The following SAMTOR variants were observed in gnomAD, a reference collection of about 807,000 sequenced individuals.
SAMTOR encodes the protein UPF0532 protein C7orf60.
chr7:112,871,709 C>T, the SAMTOR span, among the ~76,000 whole-genome samples: 6 of 152,120 alleles, frequency 3.9e-5, no homozygotes, highest in South Asian at 8.3e-4. Context: ...TACAAATGAT[C>T]AATGTTAATA....
At chr7:112,830,849 A>G in the SAMTOR span, among the ~76,000 whole-genome samples, 2 of 152,072 alleles carry the variant, frequency 1.3e-5, no homozygotes, top group African/African-American at 4.8e-5. Flanking sequence ...CAGGCACTGT[A>G]TAAGAGCTAC....
At chr7:112,914,375 C>T in the SAMTOR span, among the ~76,000 whole-genome samples, 7 of 150,324 alleles carry the variant, frequency 4.7e-5, no homozygotes, top group South Asian at 4.2e-4. Flanking sequence ...ATTTCACCAC[C>T]GGGGCAATAA....
At chr7:112,912,723 CTTTTTT>C in the SAMTOR span, among the ~76,000 whole-genome samples, 1 of 151,580 alleles carries the variant, frequency 6.6e-6, no homozygotes, top group Non-Finnish European at 1.5e-5. Flanking sequence ...TGCCACTGTT[CTTTTTT>C]TAACAGTATG....
the SAMTOR span, among the ~76,000 whole-genome samples, chr7:112,880,529 G>A: frequency 6.6e-6 from 1 of 152,078 alleles, no homozygotes; most frequent in Non-Finnish European, 1.5e-5. Context: ...GAAAATCTAA[G>A]GAGGGAAACT....
At chr7:112,851,053 C>T in the SAMTOR span, among the ~76,000 whole-genome samples, 1,623 of 152,036 alleles carry the variant, frequency 0.011, 30 homozygotes, top group African/African-American at 0.037. Flanking sequence ...TACAAAACAC[C>T]GATGAAAGAA....
the SAMTOR span, among the ~76,000 whole-genome samples, chr7:112,893,650 T>C: frequency 6.6e-6 from 1 of 152,206 alleles, no homozygotes; most frequent in African/African-American, 2.4e-5. Flanking sequence ...AAAATAATTT[T>C]TCCTTCACTT....
chr7:112,824,932 A>T, the SAMTOR span, among the ~76,000 whole-genome samples: 10,924 of 152,158 alleles, frequency 0.072, 457 homozygotes, highest in South Asian at 0.14. Context: ...AGTTGTTTTG[A>T]GCTATTATTC....
At chr7:112,821,816 T>C in the SAMTOR span, 1 of 1,613,580 alleles carries the variant, frequency 6.2e-7, no homozygotes, top group Non-Finnish European at 8.5e-7. Flanking sequence ...CTCCAGAATC[T>C]GAGTCATATG....
the SAMTOR span, among the ~76,000 whole-genome samples, chr7:112,876,017 G>C: frequency 6.6e-6 from 1 of 152,182 alleles, no homozygotes. Flanking sequence ...CTGGAGTGCA[G>C]TGGTGCAATC....
the SAMTOR span, among the ~76,000 whole-genome samples, chr7:112,899,183 T>C: frequency 6.6e-6 from 1 of 151,892 alleles, no homozygotes; most frequent in South Asian, 2.1e-4. Context: ...CTCAATGAAC[T>C]TCAAAAAAAC....
chr7:112,934,167 A>G, the SAMTOR span, among the ~76,000 whole-genome samples: 1 of 152,138 alleles, frequency 6.6e-6, no homozygotes, highest in South Asian at 2.1e-4. Flanking sequence ...GATCCCTGGG[A>G]GTACTCCCTG....
the SAMTOR span, among the ~76,000 whole-genome samples, chr7:112,856,429 T>C: frequency 2.0e-5 from 3 of 152,030 alleles, no homozygotes; most frequent in African/African-American, 7.2e-5. Context: ...TTTGTATTTT[T>C]AGTAGAGATG....
chr7:112,830,131 G>C, the SAMTOR span, among the ~76,000 whole-genome samples: 9 of 151,880 alleles, frequency 5.9e-5, no homozygotes, highest in East Asian at 1.4e-3. Context: ...AACTCTGCTT[G>C]GGTTTCTCCC....
At chr7:112,896,770 T>C in the SAMTOR span, among the ~76,000 whole-genome samples, 1 of 152,104 alleles carries the variant, frequency 6.6e-6, no homozygotes, top group Non-Finnish European at 1.5e-5. Context: ...TAAACAAAGA[T>C]AGTTATTTCT....
At chr7:112,928,527 T>A in the SAMTOR span, among the ~76,000 whole-genome samples, 2 of 152,024 alleles carry the variant, frequency 1.3e-5, no homozygotes, top group African/African-American at 4.8e-5. Flanking sequence ...TTACAATTTG[T>A]ATAAATTAGA....
the SAMTOR span, among the ~76,000 whole-genome samples, chr7:112,892,109 T>C: frequency 3.3e-5 from 5 of 152,218 alleles, no homozygotes; most frequent in South Asian, 2.1e-4. Context: ...ATTCTAACAA[T>C]GTTCACAGCA....
the SAMTOR span, among the ~76,000 whole-genome samples, chr7:112,910,613 A>C: frequency 3.4e-3 from 523 of 152,272 alleles, 14 homozygotes; most frequent in Admixed American, 0.031. Context: ...ACCTTAACCA[A>C]ATGATAACAT....
the SAMTOR span, among the ~76,000 whole-genome samples, chr7:112,862,433 G>A: frequency 1.3e-5 from 2 of 152,088 alleles, no homozygotes; most frequent in Admixed American, 6.5e-5. Context: ...TTAACTCTAT[G>A]GTCCCTTCTC....
chr7:112,900,920 C>A, the SAMTOR span, among the ~76,000 whole-genome samples: 1 of 152,020 alleles, frequency 6.6e-6, no homozygotes, highest in Non-Finnish European at 1.5e-5. Flanking sequence ...ATGCAAAATG[C>A]AAAACTATAA....
Sources: allele counts gnomAD v4.1 joint callset (sites outside exome capture counted in the v4.1 genomes callset), GRCh38; gene constraint gnomAD v4.1.1; transcripts MANE v1.5; gene names NCBI Gene and HGNC (gene_info 2026-07-23, HGNC 2026-07-21).